Variants in CSMD1 observed in about 807,000 individuals in gnomAD.
The protein encoded by CSMD1 is CUB and sushi domain-containing protein 1.
In CSMD1, 213 loss-of-function variants were observed where a neutral mutation model predicts 417.5. The observed-to-expected ratio is 0.51, with a 90% CI of 0.46 to 0.57. CSMD1 has a LOEUF of 0.57. CSMD1 is among the 20% of genes least tolerant of loss of function. The pLI, the probability that CSMD1 is intolerant of heterozygous loss-of-function variation, is 0.00. For missense variants in CSMD1, 6,923 were observed against 4,529.7 expected, an observed-to-expected ratio of 1.53 and a Z score of -15.17; for synonymous variants, 2,862 against 1,736.8, an observed-to-expected ratio of 1.65 and a Z score of -16.11.
intron 5 of CSMD1, among the ~76,000 whole-genome samples, chr8:3,820,363 G>C (rs1015630048): frequency 1.3e-5 from 2 of 152,142 alleles, no homozygotes; most frequent in Admixed American, 6.5e-5. Flanking sequence ...GGGATATATG[G>C]TGTTTGAACT....
intron 46 of CSMD1, among the ~76,000 whole-genome samples, chr8:3,105,060 A>G (rs1370687804): frequency 6.6e-6 from 1 of 152,222 alleles, no homozygotes; most frequent in Non-Finnish European, 1.5e-5. Context: ...CTGCAAAACC[A>G]CTGCGAAGTC....
chr8:4,791,234 G>A (rs752904454), intron 1 of CSMD1, among the ~76,000 whole-genome samples: 5 of 149,552 alleles, frequency 3.3e-5, no homozygotes, highest in South Asian at 2.2e-4. Context: ...CAGAAGGAAC[G>A]TGCCTGGGGT....
At chr8:3,094,175 G>A (rs949645541) in intron 47 of CSMD1, among the ~76,000 whole-genome samples, 18 of 151,384 alleles carry the variant, frequency 1.2e-4, no homozygotes, top group African/African-American at 4.1e-4. Flanking sequence ...GTACAATCTC[G>A]GCTCTCTGCA....
chr8:4,053,136 G>T (rs967074830), intron 3 of CSMD1, among the ~76,000 whole-genome samples: 4 of 152,116 alleles, frequency 2.6e-5, no homozygotes, highest in Non-Finnish European at 4.4e-5. Flanking sequence ...CTTCTCCATG[G>T]GTGCAGTGTA....
intron 7 of CSMD1, among the ~76,000 whole-genome samples, chr8:3,705,546 C>A (rs748157094): frequency 6.6e-6 from 1 of 152,062 alleles, no homozygotes; most frequent in Non-Finnish European, 1.5e-5. Flanking sequence ...TGAAAAAGAA[C>A]GATCATAAAC....
intron 12 of CSMD1, among the ~76,000 whole-genome samples, chr8:3,415,549 G>A (rs1485059398): frequency 6.6e-6 from 1 of 152,144 alleles, no homozygotes; most frequent in Non-Finnish European, 1.5e-5. Context: ...AGCAGCGATG[G>A]AGTTTCACCA....
intron 25 of CSMD1, among the ~76,000 whole-genome samples, chr8:3,295,095 T>C (rs985667272): frequency 5.3e-5 from 8 of 151,370 alleles, no homozygotes; most frequent in Admixed American, 2.7e-4. Context: ...TGTGTGCTTG[T>C]ATCACTTTCA....
chr8:3,725,674 AGATGTGGCAGGGGCAGCCACCACT>A (rs1802444637), intron 6 of CSMD1, among the ~76,000 whole-genome samples: 4 of 150,658 alleles, frequency 2.7e-5, no homozygotes, highest in African/African-American at 1.0e-4. Flanking sequence ...ACCCGGTCTC[AGATGTGGCAGGGGCAGCCACCACT>A]GCAATGAGAG....
intron 3 of CSMD1, among the ~76,000 whole-genome samples, chr8:4,304,246 T>C (rs545712623): frequency 1.1e-4 from 17 of 152,228 alleles, no homozygotes; most frequent in Non-Finnish European, 2.1e-4. Context: ...TGAAGGGCTT[T>C]GCAGGCAAAG....
At chr8:3,826,489 G>A (rs543287311) in intron 5 of CSMD1, among the ~76,000 whole-genome samples, 3 of 152,114 alleles carry the variant, frequency 2.0e-5, no homozygotes, top group African/African-American at 7.2e-5. Context: ...TAGGCAGGGG[G>A]ACCATGAAAG....
intron 39 of CSMD1, 52 bp downstream of exon 39, chr8:3,157,845 T>C (rs1009556551): frequency 2.2e-5 from 31 of 1,414,942 alleles, no homozygotes; most frequent in African/African-American, 4.3e-5. Context: ...AGAGCAGGCA[T>C]GTTCTTCCCA....
intron 5 of CSMD1, among the ~76,000 whole-genome samples, chr8:3,947,173 GC>G: frequency 6.6e-6 from 1 of 152,170 alleles, no homozygotes; most frequent in East Asian, 1.9e-4. Context: ...TTCCATGGAT[GC>G]CCTTTACTGG....
chr8:3,273,372 A>G lies in CSMD1; in HGVS notation c.4153+10772T>C, dbSNP rs1585882283. Among the ~76,000 whole-genome samples the G allele has an allele frequency of 3.3e-5, 5 of 152,152 alleles. No homozygotes were observed. In the South Asian group the frequency reaches 1.0e-3, roughly 32 times the overall value. On this transcript the variant is annotated intron_variant, in intron 26 of 69. Coordinates refer to ENST00000635120, the MANE Select transcript of CSMD1 (RefSeq NM_033225.6). Reference sequence around the variant, plus strand: ...AGGATTTTTACATCAATGTTCATCAAGGATATTGGTCTAAAATTCTCTTTT... The same window carrying G: ...AGGATTTTTACATCAATGTTCATCAGGGATATTGGTCTAAAATTCTCTTTT...
At chr8:3,534,942 T>C (rs770939567) in intron 10 of CSMD1, among the ~76,000 whole-genome samples, 1 of 152,164 alleles carries the variant, frequency 6.6e-6, no homozygotes, top group Non-Finnish European at 1.5e-5. Context: ...CTGTAAGACA[T>C]GTATTTACTT....
intron 1 of CSMD1, among the ~76,000 whole-genome samples, chr8:4,686,798 T>G (rs1806412417): frequency 6.6e-6 from 1 of 152,206 alleles, no homozygotes; most frequent in East Asian, 1.9e-4. Context: ...GAGACCCATT[T>G]GAAAGGTTAG....
rs911606362 is a variant in CSMD1, at chr8:3,626,605, G to A, written c.1010-9808C>T. On this transcript the variant is annotated intron_variant, in intron 7 of 69. Transcript: ENST00000635120. Reference sequence around the variant, plus strand: ...CTAGATTTAGAAAACCATGAGATATGATTTGAATGATGAGTCCCCACAGAA... The same window carrying A: ...CTAGATTTAGAAAACCATGAGATATAATTTGAATGATGAGTCCCCACAGAA... 6.6e-5 allele frequency among the ~76,000 whole-genome samples: 10 copies of A among 151,584 alleles called. No homozygotes were observed. In the South Asian group the frequency reaches 1.0e-3, roughly 16 times the overall value.
chr8:4,273,260 T>A (rs978266676), intron 3 of CSMD1, among the ~76,000 whole-genome samples: 1 of 152,162 alleles, frequency 6.6e-6, no homozygotes, highest in African/African-American at 2.4e-5. Context: ...ATGAGCATAT[T>A]TGTATTAGTT....
chr8:3,715,349 T>C (rs1801769925), intron 6 of CSMD1, among the ~76,000 whole-genome samples: 1 of 152,158 alleles, frequency 6.6e-6, no homozygotes, highest in Non-Finnish European at 1.5e-5. Flanking sequence ...TCCTGAAGGA[T>C]GGAACCATTT....
chr8:3,067,609 A>G (rs952779289), intron 49 of CSMD1, among the ~76,000 whole-genome samples: 2 of 149,540 alleles, frequency 1.3e-5, no homozygotes, highest in Admixed American at 6.7e-5. Context: ...AATATATAGT[A>G]TATAATATAT....
Sources: gnomAD v4.1 joint callset for allele counts (sites outside exome capture counted in the v4.1 genomes callset) on GRCh38, gnomAD v4.1.1 for gene constraint, MANE v1.5 for transcripts, NCBI Gene and HGNC (gene_info 2026-07-23, HGNC 2026-07-21) for gene names.